Variants in GRK4 observed in about 807,000 individuals in gnomAD.
GRK4 encodes the protein G protein-coupled receptor kinase 2-like.
GRK4 carries 73 observed loss-of-function variants against 77.9 expected under a neutral mutation model. The ratio of observed to expected loss-of-function variants is 0.94; its 90% CI spans 0.78 to 1.14. The LOEUF (loss-of-function observed/expected upper bound fraction) is 1.14, where lower values mean the gene tolerates loss of function less well. GRK4 is among the 50% of genes most tolerant of loss of function. The pLI is 0.00. For synonymous variants in GRK4, 257 were observed against 254.4 expected (o/e 1.01, Z -0.10); for missense variants, 729 against 700.2 (o/e 1.04, Z -0.46).
At chr4:3,009,614 G>C in intron 6 of GRK4, 34 bp from the exon 7 acceptor site, 1 of 1,537,778 alleles carries the variant, frequency 6.5e-7, no homozygotes, top group South Asian at 1.1e-5. Context: ...ACAATGCAAT[G>C]TGAGACCTGA....
chr4:3,040,532 G>C, intron 15 of GRK4, 40 bp from the exon 16 acceptor site: 3 of 1,573,026 alleles, frequency 1.9e-6, no homozygotes, highest in East Asian at 2.3e-5. Context: ...TGAAACCTTC[G>C]CATCAGCCGT....
rs753824468 is a variant in GRK4, at chr4:2,988,848, T to A, written c.261+9T>A. ...AATTCTTGGATGCAGTGGTGAGCAG[T>A]TTATCTCCATATTGAGCAACCACCC... On this transcript the variant is annotated intron_variant, in intron 3 of 15. Transcript: ENST00000398052. 6.7e-7 allele frequency: 1 copy of A among 1,502,468 alleles called. No individual in the cohort carries two copies. The highest frequency in any genetic ancestry group is 1.1e-5 in the South Asian group (1 of 88,978). The allele number at this position is 1,502,468 out of a possible 1,614,324, so 93.1% of individuals were successfully genotyped here.
intron 12 of GRK4, among the ~76,000 whole-genome samples, chr4:3,034,277 G>A (rs2515930): frequency 0.045 from 6,880 of 152,282 alleles, 251 homozygotes; most frequent in African/African-American, 0.098. Flanking sequence ...GTGGGAGATA[G>A]AAGCGCAGAC....
intron 4 of GRK4, among the ~76,000 whole-genome samples, chr4:2,993,589 A>ATG (rs1255293958): frequency 2.0e-5 from 3 of 152,270 alleles, no homozygotes; most frequent in Middle Eastern, 3.4e-3. Flanking sequence ...CATGAGAATC[A>ATG]CTTGAACCTG....
At chr4:3,013,959 T>G (rs536058617) in intron 8 of GRK4, 131 bp downstream of exon 8, 1 of 963,650 alleles carries the variant, frequency 1.0e-6, no homozygotes, top group East Asian at 2.7e-5. Flanking sequence ...TATGTGGGGG[T>G]TTGCTCTTTT....
chr4:3,015,971 C>T (rs1189431514), intron 8 of GRK4, among the ~76,000 whole-genome samples: 6 of 150,498 alleles, frequency 4.0e-5, no homozygotes, highest in Non-Finnish European at 7.4e-5. Context: ...TGCAGTGGCG[C>T]GATCTTGGCT....
intron 4 of GRK4, among the ~76,000 whole-genome samples, chr4:2,992,992 C>G (rs968935301): frequency 2.6e-5 from 4 of 152,076 alleles, no homozygotes; most frequent in African/African-American, 9.7e-5. Context: ...TCAAAACTAC[C>G]TCCCAACATC....
intron 1 of GRK4, among the ~76,000 whole-genome samples, chr4:2,978,030 C>G (rs17835422): frequency 0.063 from 9,562 of 152,220 alleles, 451 homozygotes; most frequent in Non-Finnish European, 0.095. Flanking sequence ...TAACATGAGC[C>G]TTTGGTGCCC....
At chr4:2,965,467 A>T (rs1373608186) in intron 1 of GRK4, 1 of 703,022 alleles carries the variant, frequency 1.4e-6, no homozygotes, top group East Asian at 2.7e-5. Flanking sequence ...TCCTTGCGTG[A>T]TGGAGCAGCT....
At chr4:2,997,359 T>A (rs1394463398) in intron 4 of GRK4, among the ~76,000 whole-genome samples, 1 of 152,162 alleles carries the variant, frequency 6.6e-6, no homozygotes, top group Non-Finnish European at 1.5e-5. Context: ...ATAGAAAAAG[T>A]ATTTGATAAA....
intron 9 of GRK4, 124 bp from the exon 10 acceptor site, chr4:3,022,290 C>T (rs942503071): frequency 1.1e-5 from 9 of 786,634 alleles, no homozygotes; most frequent in Non-Finnish European, 1.9e-5. Flanking sequence ...TGCCGTGGCT[C>T]ATGAAGGGCA....
intron 5 of GRK4, among the ~76,000 whole-genome samples, chr4:3,004,874 G>C (rs1346256542): frequency 6.6e-6 from 1 of 151,982 alleles, no homozygotes; most frequent in Non-Finnish European, 1.5e-5. Flanking sequence ...CATTGTTCAA[G>C]GGTCAACTGT....
At chr4:2,973,090 C>T (rs949969647) in intron 1 of GRK4, among the ~76,000 whole-genome samples, 4 of 152,192 alleles carry the variant, frequency 2.6e-5, no homozygotes, top group Admixed American at 2.6e-4. Flanking sequence ...GTGCTGAGTC[C>T]TCACCTCCAC....
intron 3 of GRK4, among the ~76,000 whole-genome samples, chr4:2,991,096 T>G (rs1046008917): frequency 3.3e-5 from 5 of 152,194 alleles, no homozygotes; most frequent in Non-Finnish European, 7.3e-5. Flanking sequence ...TTAAGAGATT[T>G]ATTGCAAGGA....
At chr4:3,025,551 G>A (rs1423247661) in intron 10 of GRK4, among the ~76,000 whole-genome samples, 3 of 151,340 alleles carry the variant, frequency 2.0e-5, no homozygotes, top group South Asian at 2.1e-4. Context: ...CACCACGCCC[G>A]GCTAATTTTT....
intron 6 of GRK4, 88 bp from the exon 7 acceptor site, chr4:3,009,560 T>A: frequency 1.0e-6 from 1 of 952,832 alleles, no homozygotes; most frequent in Non-Finnish European, 1.7e-6. Flanking sequence ...GTTCAATAAA[T>A]GAGGCGAAGA....
At chr4:2,985,167 C>T (rs1265830202) in intron 2 of GRK4, among the ~76,000 whole-genome samples, 2 of 151,540 alleles carry the variant, frequency 1.3e-5, no homozygotes, top group African/African-American at 4.8e-5. Flanking sequence ...AATCCCGGCA[C>T]TTTGGGAGGC....
intron 3 of GRK4, among the ~76,000 whole-genome samples, chr4:2,989,198 A>G (rs1178290944): frequency 6.6e-6 from 1 of 151,968 alleles, no homozygotes; most frequent in Non-Finnish European, 1.5e-5. Flanking sequence ...AAGAAAATGT[A>G]AAAACTAGAC....
chr4:3,040,604 A>C lies in GRK4; in HGVS notation c.1716A>C (p.Glu572Asp), dbSNP rs761285329. 6 of 1,611,376 alleles carry C rather than the reference A, an allele frequency of 3.7e-6. No homozygotes were observed. In the Admixed American group the frequency reaches 1.0e-4, roughly 27 times the overall value. Reference protein sequence around the residue: ...GCLTMVPSEKEVEPKQC With the variant: ...GCLTMVPSEKDVEPKQC ...TGACCATGGTCCCCAGTGAGAAGGA[A>C]GTGGAACCCAAGCAATGCTGAGCAC... is the stretch of plus-strand genomic sequence containing the variant. The change falls in exon 16 of 16, where the codon GAA becomes GAC. Residue 572 changes from glutamate to aspartate, a missense_variant. Glu to Asp is a conservative substitution (Grantham distance 45). Transcript: ENST00000398052.
Sources: gnomAD v4.1 joint callset for allele counts (sites outside exome capture counted in the v4.1 genomes callset) on GRCh38, gnomAD v4.1.1 for gene constraint, MANE v1.5 for transcripts, NCBI Gene and HGNC (gene_info 2026-07-23, HGNC 2026-07-21) for gene names.